Variants in ADAMTS2 observed in about 807,000 individuals in gnomAD.
ADAMTS2 encodes A disintegrin and metalloproteinase with thrombospondin motifs 2.
Under a neutral mutation model 123.0 loss-of-function variants are expected in ADAMTS2, and 50 were observed. That is an observed-to-expected ratio of 0.41 (90% CI 0.32 to 0.51). The LOEUF (loss-of-function observed/expected upper bound fraction) is 0.51. ADAMTS2 is among the 20% of genes least tolerant of loss of function. The pLI is 0.35. For synonymous variants in ADAMTS2, 678 were observed against 695.4 expected, an observed-to-expected ratio of 0.98 and a Z score of 0.39; for missense variants, 1,494 against 1,705.2, an observed-to-expected ratio of 0.88 and a Z score of 2.18.
intron 2 of ADAMTS2, chr5:179,341,369 G>A (rs1304593386): frequency 2.6e-6 from 1 of 385,214 alleles, no homozygotes; most frequent in Non-Finnish European, 5.1e-6. Flanking sequence ...AGGAAGGAAG[G>A]AAGGAAGGAA....
intron 2 of ADAMTS2, among the ~76,000 whole-genome samples, chr5:179,329,326 C>CAAAAAAAAAAA (rs79153534): frequency 2.3e-5 from 2 of 85,742 alleles, no homozygotes; most frequent in African/African-American, 3.8e-5. Context: ...GACTCCGTCT[C>CAAAAAAAAAAA]AAAAAAAAAA....
intron 2 of ADAMTS2, among the ~76,000 whole-genome samples, chr5:179,283,947 T>TGA (rs1755919667): frequency 3.6e-5 from 3 of 82,838 alleles, no homozygotes; most frequent in African/African-American, 6.1e-5. Context: ...GGTCAGATGA[T>TGA]TATTATTATT....
In ADAMTS2 at chr5:179,121,654, CG is replaced by C; in HGVS notation, c.3178+6del. 6.3e-7 allele frequency: 1 copy of C among 1,598,342 alleles called. No homozygotes were observed. The highest frequency in any genetic ancestry group is 8.5e-7 in the Non-Finnish European group (1 of 1,171,720). On this transcript the variant is annotated splice_donor_region_variant and intron_variant, in intron 21 of 21. Transcript: ENST00000251582. The stretch of plus-strand genomic sequence containing the variant: ...GGCAGAGGCAGAGTTATAAACGGGT[CG>C]GTTACTTGACGAGATCTTCCGGATG...
At position 179,139,822 on chromosome 5, in the gene ADAMTS2, G is replaced by C. The variant is rs1244657129; in HGVS notation, c.1775+68C>G. 4 of 1,600,718 alleles carry C rather than the reference G, an allele frequency of 2.5e-6. No homozygotes were observed. In the East Asian group the frequency reaches 8.9e-5, roughly 36 times the overall value. ...CACAGGGCCCTCCAGGACAGGGCTG[G>C]CTGGAGAGGGTCTCCTGGACCCTCA... On this transcript the variant is annotated intron_variant, in intron 11 of 21. Transcript: ENST00000251582.
intron 3 of ADAMTS2, among the ~76,000 whole-genome samples, chr5:179,223,295 C>T (rs1302018788): frequency 1.4e-4 from 21 of 151,172 alleles, no homozygotes; most frequent in South Asian, 2.1e-4. Context: ...CACACACACA[C>T]GAACGCACTC....
intron 4 of ADAMTS2, among the ~76,000 whole-genome samples, chr5:179,187,567 G>C (rs1386246851): frequency 6.6e-6 from 1 of 152,022 alleles, no homozygotes; most frequent in Non-Finnish European, 1.5e-5. Context: ...CCCTCTCATG[G>C]GGAGGCCCCC....
At chr5:179,135,794 C>T (rs374149196) in intron 13 of ADAMTS2, 115 bp downstream of exon 13, 1 of 1,487,478 alleles carries the variant, frequency 6.7e-7, no homozygotes, top group African/African-American at 1.4e-5. Context: ...TTGTTTCTGA[C>T]ACTTCGTATG....
chr5:179,126,610 G>A (rs567817740), intron 17 of ADAMTS2, among the ~76,000 whole-genome samples: 1 of 152,328 alleles, frequency 6.6e-6, no homozygotes, highest in East Asian at 1.9e-4. Context: ...GGGGGAAGGG[G>A]TGCTACTGGC....
intron 10 of ADAMTS2, chr5:179,150,785 G>A (rs1031526571): frequency 6.5e-6 from 1 of 153,140 alleles, no homozygotes; most frequent in African/African-American, 2.4e-5. Flanking sequence ...GGGGAGAGGT[G>A]ACTGATAAAT....
At chr5:179,193,865 G>A (rs1183528962) in intron 4 of ADAMTS2, among the ~76,000 whole-genome samples, 1 of 152,166 alleles carries the variant, frequency 6.6e-6, no homozygotes. Flanking sequence ...TTGCTTGACT[G>A]CAACTCAGCT....
intron 3 of ADAMTS2, among the ~76,000 whole-genome samples, chr5:179,258,425 C>G (rs1388215442): frequency 6.6e-6 from 1 of 152,182 alleles, no homozygotes; most frequent in Admixed American, 6.5e-5. Context: ...GCAGAGCCAT[C>G]TCAGCCCTTT....
chr5:179,250,117 G>A (rs1765884458), intron 3 of ADAMTS2, among the ~76,000 whole-genome samples: 1 of 152,138 alleles, frequency 6.6e-6, no homozygotes, highest in Non-Finnish European at 1.5e-5. Flanking sequence ...TTGATGCAGA[G>A]AAAGCATTAG....
At chr5:179,311,804 C>T (rs559279793) in intron 2 of ADAMTS2, among the ~76,000 whole-genome samples, 2 of 152,312 alleles carry the variant, frequency 1.3e-5, no homozygotes, top group East Asian at 1.9e-4. Context: ...GTGCTGTATT[C>T]GGAGTTGAGC....
chr5:179,148,510 T>A (rs547018571), intron 10 of ADAMTS2, among the ~76,000 whole-genome samples: 67 of 152,156 alleles, frequency 4.4e-4, no homozygotes, highest in African/African-American at 1.5e-3. Flanking sequence ...TCTGCTGAGG[T>A]CGCATCCCTG....
intron 2 of ADAMTS2, among the ~76,000 whole-genome samples, chr5:179,326,369 A>G (rs2113601961): frequency 6.6e-6 from 1 of 151,928 alleles, no homozygotes; most frequent in Middle Eastern, 3.4e-3. Flanking sequence ...ATCTGTTCTT[A>G]TTCTGACCCA....
chr5:179,267,177 A>G (rs1290240286), intron 3 of ADAMTS2, among the ~76,000 whole-genome samples: 2 of 151,746 alleles, frequency 1.3e-5, no homozygotes, highest in Non-Finnish European at 2.9e-5. Context: ...CTCCTACCCA[A>G]CTCAAGGCAA....
intron 2 of ADAMTS2, among the ~76,000 whole-genome samples, chr5:179,318,284 G>A (rs1250417698): frequency 6.6e-6 from 1 of 152,266 alleles, no homozygotes; most frequent in Non-Finnish European, 1.5e-5. Flanking sequence ...CGATGCGAGA[G>A]TATTAATTAA....
intron 3 of ADAMTS2, among the ~76,000 whole-genome samples, chr5:179,265,260 C>T (rs1425138306): frequency 6.6e-6 from 1 of 152,262 alleles, no homozygotes; most frequent in Non-Finnish European, 1.5e-5. Context: ...CACCAAAGAT[C>T]CAGGCCCTTG....
chr5:179,210,662 A>C (rs759879929), intron 3 of ADAMTS2, among the ~76,000 whole-genome samples: 1 of 152,208 alleles, frequency 6.6e-6, no homozygotes, highest in Non-Finnish European at 1.5e-5. Flanking sequence ...TGGAAGCCTC[A>C]GTGGTGCTCA....
Sources: allele counts gnomAD v4.1 joint callset (sites outside exome capture counted in the v4.1 genomes callset), GRCh38; gene constraint gnomAD v4.1.1; transcripts MANE v1.5; gene names NCBI Gene and HGNC (gene_info 2026-07-23, HGNC 2026-07-21).